CSMD1: variants seen among roughly 807,000 people sequenced by gnomAD.
CSMD1 encodes the protein CUB and Sushi multiple domains 1.
In CSMD1, 213 loss-of-function variants were observed where a neutral mutation model predicts 417.5. The ratio of observed to expected loss-of-function variants is 0.51; its 90% CI spans 0.46 to 0.57. The LOEUF is 0.57. Among genes scored for constraint, CSMD1 ranks in the 20% least tolerant of loss-of-function variants. CSMD1 has a pLI of 0.00. For missense variants in CSMD1, 6,923 were observed against 4,529.7 expected (o/e 1.53, Z -15.17); for synonymous variants, 2,862 against 1,736.8 (o/e 1.65, Z -16.11).
chr8:4,284,052 G>A (rs1422929562), intron 3 of CSMD1, among the ~76,000 whole-genome samples: 1 of 152,096 alleles, frequency 6.6e-6, no homozygotes, highest in Non-Finnish European at 1.5e-5. Flanking sequence ...GGCCATCATT[G>A]TGAAACCTGG....
At chr8:4,787,751 C>T in intron 1 of CSMD1, 2 of 1,587,866 alleles carry the variant, frequency 1.3e-6, no homozygotes, top group South Asian at 2.2e-5. Flanking sequence ...CAGCTGATTG[C>T]TGCAAAATTT....
chr8:4,533,779 A>G (rs1796956393), intron 2 of CSMD1, among the ~76,000 whole-genome samples: 1 of 151,816 alleles, frequency 6.6e-6, no homozygotes. Flanking sequence ...TAATAAAAGT[A>G]CACTGTAATT....
At chr8:4,636,764 G>A (rs181932050) in intron 2 of CSMD1, among the ~76,000 whole-genome samples, 3 of 152,286 alleles carry the variant, frequency 2.0e-5, no homozygotes, top group African/African-American at 7.2e-5. Context: ...TAGACTTCAA[G>A]TTTTCTGTAT....
At chr8:4,809,399 A>C (rs1217949437) in intron 1 of CSMD1, among the ~76,000 whole-genome samples, 3 of 152,216 alleles carry the variant, frequency 2.0e-5, no homozygotes, top group African/African-American at 7.2e-5. Context: ...CATTTTAAGC[A>C]GTAAGGAGTA....
intron 7 of CSMD1, among the ~76,000 whole-genome samples, chr8:3,699,894 GGTT>G (rs1383600424): frequency 7.6e-6 from 1 of 130,766 alleles, no homozygotes; most frequent in East Asian, 2.6e-4. Context: ...TACATCCCTG[GGTT>G]ATATCCCATA....
intron 2 of CSMD1, among the ~76,000 whole-genome samples, chr8:4,537,782 C>T (rs1797173843): frequency 1.3e-5 from 2 of 152,182 alleles, no homozygotes; most frequent in Non-Finnish European, 2.9e-5. Context: ...AGGCATGCAG[C>T]CGTTGCTGAC....
In CSMD1 at chr8:3,933,834, G is replaced by A. The variant is rs1176080336; in HGVS notation, c.818+64069C>T. 3.9e-5 allele frequency among the ~76,000 whole-genome samples: 6 copies of A among 152,136 alleles called. No homozygotes were observed. In the South Asian group the frequency reaches 6.2e-4, roughly 16 times the overall value. ...ACTTAAAACCAATTAGTCCAACATG[G>A]ACATACTGCTGTGCTCTGAACTATT... is the stretch of plus-strand genomic sequence containing the variant. On this transcript the variant is annotated intron_variant, in intron 5 of 69. Coordinates refer to ENST00000635120, the MANE Select transcript of CSMD1 (RefSeq NM_033225.6).
chr8:4,716,264 G>C (rs1422055865), intron 1 of CSMD1, among the ~76,000 whole-genome samples: 2 of 152,182 alleles, frequency 1.3e-5, no homozygotes, highest in Non-Finnish European at 2.9e-5. Context: ...GACAATGCCA[G>C]CTCTTCATCC....
intron 3 of CSMD1, among the ~76,000 whole-genome samples, chr8:4,290,293 C>G (rs907436117): frequency 1.3e-5 from 2 of 152,052 alleles, no homozygotes; most frequent in African/African-American, 4.8e-5. Flanking sequence ...TCACATATGT[C>G]TACAGATGTG....
intron 1 of CSMD1, among the ~76,000 whole-genome samples, chr8:4,711,911 T>C (rs906796278): frequency 1.8e-4 from 28 of 152,200 alleles, no homozygotes; most frequent in African/African-American, 6.5e-4. Context: ...AAGTGCCTAC[T>C]ACAGGAAAGG....
chr8:4,590,666 T>G (rs1047856631), intron 2 of CSMD1, among the ~76,000 whole-genome samples: 1 of 152,186 alleles, frequency 6.6e-6, no homozygotes, highest in Admixed American at 6.5e-5. Flanking sequence ...TAAAGCTATA[T>G]TCACGATGAA....
chr8:4,021,981 A>G (rs1408207531), intron 4 of CSMD1, among the ~76,000 whole-genome samples: 1 of 151,892 alleles, frequency 6.6e-6, no homozygotes. Context: ...TGCCTAGGAA[A>G]GGATAGTTAG....
intron 25 of CSMD1, among the ~76,000 whole-genome samples, chr8:3,286,649 C>T (rs1218750735): frequency 7.1e-6 from 1 of 141,446 alleles, no homozygotes; most frequent in African/African-American, 2.5e-5. Context: ...CTGTTCATAT[C>T]CTTCACCCAC....
At chr8:4,694,326 C>A (rs1806971946) in intron 1 of CSMD1, among the ~76,000 whole-genome samples, 1 of 152,032 alleles carries the variant, frequency 6.6e-6, no homozygotes, top group African/African-American at 2.4e-5. Context: ...CTGGACCAAA[C>A]CAAAAACCAA....
chr8:3,230,290 T>C, intron 26 of CSMD1, 59 bp from the exon 27 acceptor site: 1 of 1,363,654 alleles, frequency 7.3e-7, no homozygotes, highest in Non-Finnish European at 9.8e-7. Flanking sequence ...CACATTCTTG[T>C]CGGTGTGGTT....
At chr8:4,242,145 T>C (rs1404467930) in intron 3 of CSMD1, among the ~76,000 whole-genome samples, 1 of 152,210 alleles carries the variant, frequency 6.6e-6, no homozygotes, top group Non-Finnish European at 1.5e-5. Flanking sequence ...TCTTAGCATA[T>C]ATCCACCAAA....
intron 3 of CSMD1, among the ~76,000 whole-genome samples, chr8:4,051,721 C>G (rs1798432933): frequency 6.6e-6 from 1 of 152,098 alleles, no homozygotes; most frequent in South Asian, 2.1e-4. Flanking sequence ...AGAAGGCAAG[C>G]AGGGATTAAA....
intron 25 of CSMD1, among the ~76,000 whole-genome samples, chr8:3,293,814 T>G (rs1280020353): frequency 6.6e-6 from 1 of 152,244 alleles, no homozygotes; most frequent in Non-Finnish European, 1.5e-5. Flanking sequence ...ATCTGAAGCC[T>G]TCTTCTCTCA....
intron 3 of CSMD1, among the ~76,000 whole-genome samples, chr8:4,249,037 C>T (rs1003483959): frequency 3.3e-5 from 5 of 152,102 alleles, no homozygotes; most frequent in African/African-American, 1.2e-4. Context: ...CTGGCATATG[C>T]TACTCAATGA....
Sources: gnomAD v4.1 joint callset for allele counts (sites outside exome capture counted in the v4.1 genomes callset) on GRCh38, gnomAD v4.1.1 for gene constraint, MANE v1.5 for transcripts, NCBI Gene and HGNC (gene_info 2026-07-23, HGNC 2026-07-21) for gene names.